GABRG3: variants seen among roughly 807,000 people sequenced by gnomAD.
The protein encoded by GABRG3 is gamma-aminobutyric acid receptor subunit gamma-3.
Under a neutral mutation model 48.8 loss-of-function variants are expected in GABRG3, and 25 were observed. The observed-to-expected ratio is 0.51, with a 90% CI of 0.37 to 0.72. The LOEUF is 0.72. Ranked by LOEUF, GABRG3 falls within the 30% of genes least tolerant of loss-of-function variation. GABRG3 has a pLI of 0.00. For missense variants in GABRG3, 394 were observed against 577.9 expected (o/e 0.68, Z 3.26); for synonymous variants, 227 against 217.6 (o/e 1.04, Z -0.38).
At chr15:27,432,220 T>C (rs1234314294) in intron 5 of GABRG3, among the ~76,000 whole-genome samples, 1 of 152,244 alleles carries the variant, frequency 6.6e-6, no homozygotes, top group African/African-American at 2.4e-5. Context: ...CAGTATAGTA[T>C]ATACAAGCTT....
intron 3 of GABRG3, among the ~76,000 whole-genome samples, chr15:27,044,306 G>C (rs992065719): frequency 3.9e-5 from 6 of 152,130 alleles, no homozygotes; most frequent in African/African-American, 1.4e-4. Flanking sequence ...AGTAAAACCA[G>C]ACATGGTTTC....
intron 5 of GABRG3, among the ~76,000 whole-genome samples, chr15:27,336,213 AGAG>A (rs1490600269): frequency 4.6e-5 from 5 of 109,568 alleles, no homozygotes; most frequent in African/African-American, 3.0e-4. Context: ...AAAGAAAGAG[AGAG>A]AGAGAGAGAG....
chr15:27,330,195 G>A (rs906247859), intron 5 of GABRG3, among the ~76,000 whole-genome samples: 3 of 152,094 alleles, frequency 2.0e-5, no homozygotes, highest in African/African-American at 7.2e-5. Flanking sequence ...AGTTGAGATC[G>A]CACCACTGCA....
At chr15:27,148,020 A>G (rs939515940) in intron 3 of GABRG3, among the ~76,000 whole-genome samples, 6 of 151,958 alleles carry the variant, frequency 3.9e-5, no homozygotes, top group African/African-American at 1.4e-4. Flanking sequence ...AACAAAACCA[A>G]AAGTTGTTTT....
Position 27,042,364 on chromosome 15 carries a change from C to T in GABRG3, c.270+15543C>T, listed in dbSNP as rs111651483. Among the ~76,000 whole-genome samples the T allele has an allele frequency of 3.3e-3, 503 of 152,306 alleles. 5 individuals are homozygous for T. The highest frequency in any genetic ancestry group is 0.012 in the African/African-American group (479 of 41,562). The stretch of plus-strand genomic sequence containing the variant: ...CCCCTGCCACCTGAGGGCCCTCACC[C>T]GAATGCTGCAGCCCTCCTGCTGCTC... On this transcript the variant is annotated intron_variant, in intron 3 of 9. Coordinates refer to ENST00000615808, the MANE Select transcript of GABRG3 (RefSeq NM_033223.5).
intron 3 of GABRG3, among the ~76,000 whole-genome samples, chr15:27,147,405 G>A (rs977906913): frequency 6.6e-6 from 1 of 152,020 alleles, no homozygotes; most frequent in Non-Finnish European, 1.5e-5. Flanking sequence ...GTAAGAACAA[G>A]TAGACAGAAG....
chr15:27,189,999 T>C (rs905577181), intron 3 of GABRG3, among the ~76,000 whole-genome samples: 1 of 152,214 alleles, frequency 6.6e-6, no homozygotes, highest in Admixed American at 6.5e-5. Flanking sequence ...GGTTTTTGTC[T>C]TTGGTTCTGT....
At position 27,466,531 on chromosome 15, in the gene GABRG3, C is replaced by A. The variant is rs577023400; in HGVS notation, c.575-14119C>A. 2.0e-5 allele frequency among the ~76,000 whole-genome samples: 3 copies of A among 152,324 alleles called. No homozygotes were observed. The East Asian group carries it at 5.8e-4, about 29-fold the overall frequency. ...CAGCTTGATATTGCATCTTTTAAAT[C>A]AATGCTTGTCTTCTTTTCCTTCTAA... On this transcript the variant is annotated intron_variant, in intron 5 of 9. Transcript: ENST00000615808.
intron 6 of GABRG3, among the ~76,000 whole-genome samples, chr15:27,490,439 C>T (rs982211502): frequency 6.6e-6 from 1 of 152,178 alleles, no homozygotes; most frequent in African/African-American, 2.4e-5. Flanking sequence ...GTCCATCCAG[C>T]TCACCTGAAG....
intron 3 of GABRG3, among the ~76,000 whole-genome samples, chr15:27,324,417 C>G (rs1375137684): frequency 6.6e-6 from 1 of 152,192 alleles, no homozygotes. Context: ...TGAGGTTTTT[C>G]TTAGATTCAG....
chr15:27,106,894 T>C (rs138029199), intron 3 of GABRG3, among the ~76,000 whole-genome samples: 77 of 152,216 alleles, frequency 5.1e-4, no homozygotes, highest in African/African-American at 1.8e-3. Context: ...TCTAGCCCTA[T>C]AGTCATTAAA....
intron 5 of GABRG3, among the ~76,000 whole-genome samples, chr15:27,340,172 T>C (rs1894120800): frequency 6.6e-6 from 1 of 152,182 alleles, no homozygotes. Context: ...TGTTATAGAT[T>C]CCCACTTAAG....
intron 5 of GABRG3, among the ~76,000 whole-genome samples, chr15:27,343,188 C>T (rs1313882757): frequency 6.6e-6 from 1 of 152,122 alleles, no homozygotes; most frequent in Non-Finnish European, 1.5e-5. Flanking sequence ...GGAAGGGGGA[C>T]TGGGAGCCAG....
chr15:27,244,398 T>C (rs1890216000), intron 3 of GABRG3, among the ~76,000 whole-genome samples: 1 of 152,034 alleles, frequency 6.6e-6, no homozygotes, highest in African/African-American at 2.4e-5. Flanking sequence ...TGGGAGCATC[T>C]CCCCCAGGAG....
chr15:27,080,519 A>T (rs144469409), intron 3 of GABRG3, among the ~76,000 whole-genome samples: 125 of 152,310 alleles, frequency 8.2e-4, no homozygotes, highest in African/African-American at 2.7e-3. Context: ...TGGCTTGCAC[A>T]TGTATTCCGA....
chr15:27,383,116 C>T (rs552553672), intron 5 of GABRG3, among the ~76,000 whole-genome samples: 21 of 152,150 alleles, frequency 1.4e-4, no homozygotes, highest in African/African-American at 4.8e-4. Context: ...GAAAGCAGCC[C>T]GGGACTCCGT....
intron 5 of GABRG3, among the ~76,000 whole-genome samples, chr15:27,470,242 CTCT>C (rs1459311137): frequency 6.7e-6 from 1 of 150,062 alleles, no homozygotes; most frequent in Non-Finnish European, 1.5e-5. Context: ...TTCTTTCTCT[CTCT>C]TTTTTTTTTT....
At chr15:27,245,961 C>A (rs1890256915) in intron 3 of GABRG3, among the ~76,000 whole-genome samples, 1 of 152,168 alleles carries the variant, frequency 6.6e-6, no homozygotes, top group African/African-American at 2.4e-5. Flanking sequence ...CCTCAGGAAG[C>A]ACTTAATCTT....
chr15:27,119,976 G>A (rs570259925), intron 3 of GABRG3, among the ~76,000 whole-genome samples: 1 of 152,352 alleles, frequency 6.6e-6, no homozygotes, highest in South Asian at 2.1e-4. Flanking sequence ...TTGGTTGGAA[G>A]CAAGCCACAG....
Sources: gnomAD v4.1 joint callset for allele counts (sites outside exome capture counted in the v4.1 genomes callset) on GRCh38, gnomAD v4.1.1 for gene constraint, MANE v1.5 for transcripts, NCBI Gene and HGNC (gene_info 2026-07-23, HGNC 2026-07-21) for gene names.